The following BMPR1B variants were observed in gnomAD, a reference collection of about 807,000 sequenced individuals.
BMPR1B encodes the protein bone morphogenetic protein receptor type-1B.
Under a neutral mutation model 59.1 loss-of-function variants are expected in BMPR1B, and 12 were observed. The observed-to-expected ratio is 0.20, with a 90% confidence interval of 0.13 to 0.33. The LOEUF (loss-of-function observed/expected upper bound fraction) is 0.33. BMPR1B is among the 10% of genes least tolerant of loss of function. BMPR1B has a pLI of 1.00. For synonymous variants in BMPR1B, 237 were observed against 207.3 expected (o/e 1.14, Z -1.23); for missense variants, 550 against 610.9 (o/e 0.90, Z 1.05).
At chr4:94,866,047 A>T (rs1726224536) in intron 1 of BMPR1B, among the ~76,000 whole-genome samples, 1 of 152,198 alleles carries the variant, frequency 6.6e-6, no homozygotes, top group South Asian at 2.1e-4. Context: ...GAATGCATGG[A>T]TTGTTTGACA....
rs1412183180 is a variant in BMPR1B at position 94,764,710 on chromosome 4, T to C, written c.-183+6642T>C. 1.3e-5 allele frequency among the ~76,000 whole-genome samples: 2 copies of C among 152,168 alleles called. 1 individual carries two copies. Among genetic ancestry groups the C allele is most frequent in the Admixed American group, 1.3e-4 (2 of 15,262 alleles). On this transcript the variant is annotated intron_variant, in intron 1 of 12. Transcript: ENST00000515059. ...TGTCCATGAAACCTAAATTCTTATATAAATACTGTCAATCAGTTTATTGGA... is the reference window on the plus strand; with the variant it reads ...TGTCCATGAAACCTAAATTCTTATACAAATACTGTCAATCAGTTTATTGGA...
intron 3 of BMPR1B, among the ~76,000 whole-genome samples, chr4:95,089,383 G>C (rs964518877): frequency 3.9e-5 from 6 of 151,912 alleles, no homozygotes; most frequent in Non-Finnish European, 8.8e-5. Flanking sequence ...AGAGGAGGAA[G>C]GAAACATTTT....
At chr4:95,149,083 C>A (rs1307616382) in intron 11 of BMPR1B, among the ~76,000 whole-genome samples, 160 bp downstream of exon 11, 1 of 152,152 alleles carries the variant, frequency 6.6e-6, no homozygotes, top group Admixed American at 6.5e-5. Context: ...AAATTATATT[C>A]GACATCCTAG....
intron 3 of BMPR1B, among the ~76,000 whole-genome samples, chr4:95,073,488 T>C (rs912143608): frequency 1.3e-5 from 2 of 152,162 alleles, no homozygotes; most frequent in Non-Finnish European, 2.9e-5. Context: ...TCAAAATCAT[T>C]TCCTCCCAAC....
intron 1 of BMPR1B, among the ~76,000 whole-genome samples, chr4:94,779,885 T>C (rs1413636282): frequency 1.3e-5 from 2 of 152,148 alleles, no homozygotes; most frequent in Admixed American, 1.3e-4. Flanking sequence ...ATATACTGTT[T>C]TATTTTATAT....
At chr4:94,909,909 C>T (rs564052330) in intron 2 of BMPR1B, among the ~76,000 whole-genome samples, 17 of 152,130 alleles carry the variant, frequency 1.1e-4, no homozygotes, top group African/African-American at 3.4e-4. Context: ...CTTTAAGGTA[C>T]TTCTGTGGCT....
chr4:95,077,469 A>T (rs1728795764), intron 3 of BMPR1B, among the ~76,000 whole-genome samples: 1 of 152,098 alleles, frequency 6.6e-6, no homozygotes, highest in Non-Finnish European at 1.5e-5. Context: ...TCATTCATTG[A>T]TGGATTATTT....
chr4:95,039,241 C>T (rs970390009), intron 3 of BMPR1B, among the ~76,000 whole-genome samples: 1 of 152,114 alleles, frequency 6.6e-6, no homozygotes, highest in Non-Finnish European at 1.5e-5. Flanking sequence ...GAGTTTCTTA[C>T]TTCTCTTATT....
chr4:94,950,623 G>A (rs771514410), intron 2 of BMPR1B, among the ~76,000 whole-genome samples: 2 of 152,024 alleles, frequency 1.3e-5, no homozygotes, highest in Admixed American at 6.6e-5. Context: ...TGTTTCTGAG[G>A]CCTCTGTTTC....
intron 2 of BMPR1B, among the ~76,000 whole-genome samples, chr4:94,991,929 T>C (rs1004160724): frequency 2.0e-5 from 3 of 152,226 alleles, no homozygotes; most frequent in African/African-American, 7.2e-5. Flanking sequence ...TGATGCAGTC[T>C]TCATCTCTCC....
chr4:95,067,886 G>A (rs7663636), intron 3 of BMPR1B, among the ~76,000 whole-genome samples: 4,188 of 152,266 alleles, frequency 0.028, 151 homozygotes, highest in African/African-American at 0.096. Flanking sequence ...GAACGGATAG[G>A]TGTGCATCTG....
At chr4:94,933,141 G>A (rs557031195) in intron 2 of BMPR1B, among the ~76,000 whole-genome samples, 1 of 151,918 alleles carries the variant, frequency 6.6e-6, no homozygotes, top group Non-Finnish European at 1.5e-5. Flanking sequence ...TTAGAATTAA[G>A]CTATTCATAA....
At chr4:94,852,072 C>T (rs1725588906) in intron 1 of BMPR1B, among the ~76,000 whole-genome samples, 2 of 151,444 alleles carry the variant, frequency 1.3e-5, no homozygotes, top group Admixed American at 1.3e-4. Flanking sequence ...TAAAGGCAAA[C>T]ACATTTTCCC....
chr4:94,816,239 C>T (rs1407744488), intron 1 of BMPR1B, among the ~76,000 whole-genome samples: 1 of 152,168 alleles, frequency 6.6e-6, no homozygotes, highest in African/African-American at 2.4e-5. Flanking sequence ...CTCTGCCTCC[C>T]AGGTTCAAGC....
At chr4:94,878,568 T>C (rs1395647627) in intron 2 of BMPR1B, among the ~76,000 whole-genome samples, 2 of 152,172 alleles carry the variant, frequency 1.3e-5, no homozygotes, top group African/African-American at 2.4e-5. Flanking sequence ...TAATTTTTTT[T>C]CTGAAAACAG....
chr4:95,157,284 T>C lies in BMPR1B; in HGVS notation c.*2611T>C, dbSNP rs952188449. On this transcript the variant is annotated 3_prime_UTR_variant, in exon 13 of 13. Transcript: ENST00000515059. ...TTATAGTTGCTCAATGAAACAAGAATTTATTTATGCATAGATTTTTCTCTG... is the reference window on the plus strand; with the variant it reads ...TTATAGTTGCTCAATGAAACAAGAACTTATTTATGCATAGATTTTTCTCTG... 6 of 152,096 alleles carry C rather than the reference T, an allele frequency of 3.9e-5. No homozygotes were observed. Among genetic ancestry groups the C allele is most frequent in the Admixed American group, 3.3e-4 (5 of 15,266 alleles). The allele number at this position is 152,096 out of a possible 1,614,324, so 9.4% of individuals were successfully genotyped here.
intron 3 of BMPR1B, among the ~76,000 whole-genome samples, chr4:94,996,896 C>T (rs1481353835): frequency 1.3e-5 from 2 of 152,136 alleles, no homozygotes; most frequent in Non-Finnish European, 2.9e-5. Flanking sequence ...TGTATGTTCA[C>T]GGTGCTGTAG....
At chr4:94,877,942 G>A (rs968237913) in intron 2 of BMPR1B, among the ~76,000 whole-genome samples, 4 of 152,122 alleles carry the variant, frequency 2.6e-5, no homozygotes, top group Non-Finnish European at 4.4e-5. Context: ...CTGTGTTTGT[G>A]TGCATGCACA....
At chr4:94,999,166 A>G (rs1388223613) in intron 3 of BMPR1B, among the ~76,000 whole-genome samples, 1 of 152,056 alleles carries the variant, frequency 6.6e-6, no homozygotes, top group African/African-American at 2.4e-5. Flanking sequence ...ACTGTAATCT[A>G]TTTATGGCCA....
Sources: gnomAD v4.1 joint callset for allele counts (sites outside exome capture counted in the v4.1 genomes callset) on GRCh38, gnomAD v4.1.1 for gene constraint, MANE v1.5 for transcripts, NCBI Gene and HGNC (gene_info 2026-07-23, HGNC 2026-07-21) for gene names.